Variants in RELCH observed in about 807,000 individuals in gnomAD.
RELCH encodes the protein RAB11-binding protein RELCH.
RELCH carries 41 observed loss-of-function variants against 150.3 expected under a neutral mutation model. The observed-to-expected ratio is 0.27, with a 90% CI of 0.21 to 0.35. RELCH has a LOEUF of 0.35. Ranked by LOEUF, RELCH falls within the 10% of genes least tolerant of loss-of-function variation. The pLI, the probability that RELCH is intolerant of heterozygous loss-of-function variation, is 1.00. For missense variants in RELCH, 1,092 were observed against 1,467.8 expected (o/e 0.74, Z 4.18); for synonymous variants, 478 against 531.8 (o/e 0.90, Z 1.39).
chr18:62,289,832 G>C (rs767905581), intron 26 of RELCH, among the ~76,000 whole-genome samples: 1 of 152,300 alleles, frequency 6.6e-6, no homozygotes, highest in East Asian at 1.9e-4. Flanking sequence ...CCCCAACAGA[G>C]AGTAGAAAGA....
intron 13 of RELCH, among the ~76,000 whole-genome samples, chr18:62,257,102 G>A (rs572094205): frequency 5.5e-4 from 84 of 151,798 alleles, no homozygotes; most frequent in Non-Finnish European, 6.5e-4. Context: ...TTATTTTATC[G>A]TAGTTATTGT....
intron 1 of RELCH, 123 bp downstream of exon 1, chr18:62,188,154 G>C: frequency 2.6e-6 from 3 of 1,137,302 alleles, no homozygotes; most frequent in South Asian, 3.6e-5. Context: ...GAGAGTATTG[G>C]GGTGGGGGCG....
intron 27 of RELCH, among the ~76,000 whole-genome samples, chr18:62,295,202 G>A (rs2045344834): frequency 1.3e-5 from 2 of 152,044 alleles, no homozygotes; most frequent in African/African-American, 4.8e-5. Flanking sequence ...TTAATTTGGG[G>A]ATTCTTCTCT....
At chr18:62,241,614 G>T (rs1023362821) in intron 10 of RELCH, among the ~76,000 whole-genome samples, 1 of 151,956 alleles carries the variant, frequency 6.6e-6, no homozygotes, top group East Asian at 1.9e-4. Context: ...GTCTTTCAAA[G>T]ATATTTTTAG....
intron 11 of RELCH, chr18:62,246,449 A>G (rs1342003332): frequency 1.3e-5 from 2 of 152,180 alleles, no homozygotes; most frequent in Non-Finnish European, 2.9e-5. Flanking sequence ...TAAGGTAGTG[A>G]TAGGTTGACA....
At chr18:62,189,266 T>G (rs556247481) in intron 1 of RELCH, among the ~76,000 whole-genome samples, 9,827 of 141,170 alleles carry the variant, frequency 0.07, 408 homozygotes, top group Middle Eastern at 0.15. Context: ...TTTGTTTTTT[T>G]TTTTTGTTGT....
intron 27 of RELCH, among the ~76,000 whole-genome samples, chr18:62,295,922 T>G (rs28855114): frequency 0.011 from 1,703 of 152,344 alleles, 21 homozygotes; most frequent in East Asian, 0.038. Flanking sequence ...ATGCATTTGC[T>G]ATATTTTATC....
At chr18:62,261,043 G>C (rs2043245231) in intron 15 of RELCH, among the ~76,000 whole-genome samples, 1 of 151,940 alleles carries the variant, frequency 6.6e-6, no homozygotes, top group African/African-American at 2.4e-5. Context: ...GAGAAAATTT[G>C]GAATGTTCCT....
intron 12 of RELCH, among the ~76,000 whole-genome samples, chr18:62,253,213 C>G (rs1387213989): frequency 6.7e-6 from 1 of 148,350 alleles, no homozygotes; most frequent in Non-Finnish European, 1.5e-5. Context: ...AACTAAGATG[C>G]AACAAGAACA....
At chr18:62,273,822 G>A (rs1222580862) in intron 20 of RELCH, among the ~76,000 whole-genome samples, 158 bp from the exon 21 acceptor site, 1 of 152,114 alleles carries the variant, frequency 6.6e-6, no homozygotes, top group African/African-American at 2.4e-5. Context: ...CCATTCTGAT[G>A]ATAGATATGC....
rs948855727 is a variant in RELCH at position 62,305,992 on chromosome 18, C to A, written c.*458C>A. 2 of 152,538 alleles carry A rather than the reference C, an allele frequency of 1.3e-5. No homozygotes were observed. Among genetic ancestry groups the A allele is most frequent in the Non-Finnish European group, 2.9e-5 (2 of 68,056 alleles). 9.4% of individuals were successfully genotyped at this position (152,538 alleles called of 1,614,324 possible). A position where few individuals can be genotyped will look rare whatever the true frequency, so the allele number is the denominator to read the frequency against. On this transcript the variant is annotated 3_prime_UTR_variant, in exon 29 of 29. Transcript: ENST00000644646. The surrounding 1 kb of genome is among the most constrained non-coding windows in gnomAD (Gnocchi z 4.0). ...GAATAATGCAGACTTTTTATTGTTT[C>A]TTAACTGACTAGAAAGAGCCACCAG... is the stretch of plus-strand genomic sequence containing the variant.
chr18:62,251,589 T>G (rs775103855), intron 11 of RELCH, among the ~76,000 whole-genome samples: 1 of 152,214 alleles, frequency 6.6e-6, no homozygotes. Context: ...CACAAGTCAC[T>G]AGGCCCAGTC....
intron 10 of RELCH, among the ~76,000 whole-genome samples, chr18:62,234,639 T>C (rs1483287436): frequency 6.6e-6 from 1 of 151,984 alleles, no homozygotes; most frequent in Admixed American, 6.6e-5. Flanking sequence ...TATGTTTACA[T>C]GGTGTAATTT....
rs750061238 is a variant in RELCH, at chr18:62,187,499, G to C, written c.-7G>C. 2.0e-6 allele frequency: 3 copies of C among 1,513,404 alleles called. No homozygotes were observed. In the East Asian group the frequency reaches 6.8e-5, roughly 34 times the overall value. The allele number at this position is 1,513,404 out of a possible 1,614,324, so 93.7% of individuals were successfully genotyped here. A position where few individuals can be genotyped will look rare whatever the true frequency, so the allele number is the denominator to read the frequency against. On this transcript the variant is annotated 5_prime_UTR_variant, in exon 1 of 29. Transcript: ENST00000644646. Reference sequence around the variant, plus strand: ...CAGGGAGGCGCCCACACTCCTGACAGGATAAGATGGCGGCGATGGCGCCTG... The same window carrying C: ...CAGGGAGGCGCCCACACTCCTGACACGATAAGATGGCGGCGATGGCGCCTG...
chr18:62,249,481 C>T (rs755661553), intron 11 of RELCH, among the ~76,000 whole-genome samples: 1 of 152,064 alleles, frequency 6.6e-6, no homozygotes, highest in Admixed American at 6.6e-5. Flanking sequence ...AAAAATTTCC[C>T]AAGGACAACT....
Position 62,309,308 on chromosome 18 carries a change from A to G in RELCH, c.*3774A>G, listed in dbSNP as rs1600328005. Reference sequence around the variant, plus strand: ...ATCAGGTAAGTTTCTGCATATTGGTAAAAAAATTGAATTTTAGACAATTTT... The same window carrying G: ...ATCAGGTAAGTTTCTGCATATTGGTGAAAAAATTGAATTTTAGACAATTTT... On this transcript the variant is annotated 3_prime_UTR_variant, in exon 29 of 29. Coordinates refer to ENST00000644646, the MANE Select transcript of RELCH (RefSeq NM_001346231.2). 6.6e-6 allele frequency: 1 copy of G among 152,026 alleles called. No homozygotes were observed. The highest frequency in any genetic ancestry group is 1.5e-5 in the Non-Finnish European group (1 of 67,992). The allele number at this position is 152,026 out of a possible 1,614,324, so 9.4% of individuals were successfully genotyped here. A position where few individuals can be genotyped will look rare whatever the true frequency, so the allele number is the denominator to read the frequency against.
intron 2 of RELCH, among the ~76,000 whole-genome samples, chr18:62,219,325 CTTTTTTT>C (rs202196452): frequency 3.5e-5 from 4 of 112,878 alleles, no homozygotes; most frequent in Non-Finnish European, 7.1e-5. Context: ...TTCTTTTTTT[CTTTTTTT>C]TTTTTTTTTC....
chr18:62,243,583 A>G (rs1009039353), intron 10 of RELCH, among the ~76,000 whole-genome samples: 1 of 152,118 alleles, frequency 6.6e-6, no homozygotes, highest in Non-Finnish European at 1.5e-5. Context: ...GATTTGCAAT[A>G]TATAAAGACT....
chr18:62,244,642 T>G (rs1331667394), intron 10 of RELCH, 122 bp from the exon 11 acceptor site: 3 of 603,474 alleles, frequency 5.0e-6, no homozygotes, highest in Non-Finnish European at 8.7e-6. Context: ...AAATTAAAAT[T>G]TACCCTTTTG....
Sources: gnomAD v4.1 joint callset for allele counts (sites outside exome capture counted in the v4.1 genomes callset) on GRCh38, gnomAD v4.1.1 for gene constraint, Gnocchi (gnomAD v3.1) non-coding constraint, MANE v1.5 for transcripts, NCBI Gene and HGNC (gene_info 2026-07-23, HGNC 2026-07-21) for gene names.